The following AIFM1 variants were observed in gnomAD, a reference collection of about 807,000 sequenced individuals.
The protein encoded by AIFM1 is apoptosis-inducing factor 1, mitochondrial.
A neutral mutation model predicts 51.7 loss-of-function variants in AIFM1; 3 were observed. The observed-to-expected ratio is 0.06, with a 90% CI of 0.03 to 0.15. The LOEUF is 0.15. Among genes scored for constraint, AIFM1 ranks in the 10% least tolerant of loss-of-function variants. The probability of loss-of-function intolerance (pLI) is 1.00; values close to 1 mark genes in which losing one functional copy is unlikely to be tolerated. For synonymous variants in AIFM1, 178 were observed against 179.4 expected (o/e 0.99, Z 0.06); for missense variants, 330 against 476.8 (o/e 0.69, Z 2.87).
At chrX:130,146,228 A>G (rs2030742059) in intron 5 of AIFM1, among the ~76,000 whole-genome samples, 1 of 111,565 alleles carries the variant, frequency 9.0e-6, no homozygotes, top group Non-Finnish European at 1.9e-5. Context: ...ACTTGAGGCC[A>G]GGAGTTTGAG....
At chrX:130,165,488 G>C in intron 1 of AIFM1, 63 bp downstream of exon 1, 1 of 976,549 alleles carries the variant, frequency 1.0e-6, no homozygotes, top group East Asian at 3.3e-5. Context: ...AGGGCTGCAA[G>C]GCACAGGGAG....
chrX:130,146,491 GTA>G (rs1685958529), intron 5 of AIFM1, among the ~76,000 whole-genome samples: 1 of 94,039 alleles, frequency 1.1e-5, no homozygotes, highest in Non-Finnish European at 2.2e-5. Flanking sequence ...GTGTGTGTGT[GTA>G]TGCATATGTA....
intron 5 of AIFM1, among the ~76,000 whole-genome samples, chrX:130,146,154 T>C (rs185332191): frequency 8.9e-6 from 1 of 112,005 alleles, no homozygotes; most frequent in Non-Finnish European, 1.9e-5. Context: ...TATATTAATA[T>C]TGGCTGAGTG....
intron 1 of AIFM1, among the ~76,000 whole-genome samples, chrX:130,157,627 TTA>T (rs1416008919): frequency 8.9e-6 from 1 of 112,404 alleles, no homozygotes; most frequent in Non-Finnish European, 1.9e-5. Flanking sequence ...AGTTTAAATT[TTA>T]TATAATTTTC....
At chrX:130,160,054 TA>T (rs1390171954) in intron 1 of AIFM1, among the ~76,000 whole-genome samples, 3 of 111,090 alleles carry the variant, frequency 2.7e-5, no homozygotes, top group African/African-American at 9.8e-5. Context: ...AAATTGACTT[TA>T]AAAAAAAGTA....
Position 130,133,427 on chromosome X carries a change from A to G in AIFM1, c.1334T>C (p.Ile445Thr), listed in dbSNP as rs1307088189. The change falls in exon 13 of 16, where the codon ATA (isoleucine) becomes ACA (threonine). Residue 445 changes from isoleucine to threonine, a missense_variant. This residue lies in a region of AIFM1 where 152 missense variants were observed against 292.8 expected (regional missense o/e 0.52). Transcript: ENST00000287295. The part of the protein sequence containing the change: ...VAGDAACFYD[I>T]KLGRRRVEHH... ...CTCTACCCGCCTCCTTCCCAACTTT[A>G]TATCGTAGAAGCATGCAGCATCTCC... The G allele has an allele frequency of 5.0e-6, 6 of 1,208,158 alleles. No individual in the cohort carries two copies. The highest frequency in any genetic ancestry group is 6.7e-6 in the Non-Finnish European group (6 of 894,766).
rs2030391819 is a variant in AIFM1 at position 130,137,396 on chromosome X, GC to G, written c.968-212del. 7 of 1,154,862 alleles carry G rather than the reference GC, an allele frequency of 6.1e-6. No individual in the cohort carries two copies. In the Admixed American group the frequency reaches 1.9e-4, roughly 31 times the overall value. Reference sequence around the variant, plus strand: ...AATACAACAGGTATCAGAACTGCTGGCCCCAGATTAAGCTTCAGATGGTGAA... The same window carrying G: ...AATACAACAGGTATCAGAACTGCTGGCCCAGATTAAGCTTCAGATGGTGAA... On this transcript the variant is annotated intron_variant, in intron 9 of 15. Coordinates refer to ENST00000287295, the MANE Select transcript of AIFM1 (RefSeq NM_004208.4).
At chrX:130,132,932 AGAC>A (rs2030160416) in intron 13 of AIFM1, among the ~76,000 whole-genome samples, 1 of 110,032 alleles carries the variant, frequency 9.1e-6, no homozygotes, top group Non-Finnish European at 1.9e-5. Context: ...TTTTTAGTAG[AGAC>A]GGGGTTTCAC....
chrX:130,163,828 T>C (rs188777872), intron 1 of AIFM1, among the ~76,000 whole-genome samples: 4 of 111,360 alleles, frequency 3.6e-5, no homozygotes, highest in Admixed American at 9.6e-5. Flanking sequence ...GCAAAACAAC[T>C]ACTCAAAGTT....
At chrX:130,145,597 A>T (rs1314469551) in intron 5 of AIFM1, 28 bp from the exon 6 acceptor site, 1 of 1,084,149 alleles carries the variant, frequency 9.2e-7, no homozygotes, top group Admixed American at 2.2e-5. Flanking sequence ...GGAGAATATT[A>T]TAAGCATGTG....
At chrX:130,155,157 T>C (rs763305259) in intron 2 of AIFM1, 34 of 1,209,844 alleles carry the variant, frequency 2.8e-5, no homozygotes, top group Non-Finnish European at 3.8e-5. Flanking sequence ...GCATCTTACA[T>C]AATAAACTCC....
chrX:130,139,875 G>T lies in AIFM1; in HGVS notation c.782-4C>A, dbSNP rs376467312. 3 of 1,202,102 alleles carry T rather than the reference G, an allele frequency of 2.5e-6. No individual in the cohort carries two copies. The African/African-American group carries it at 5.3e-5, about 21-fold the overall frequency. ...GACAGACTTCTTGGAGTACCTCCTGGAAATAAGAGAAGGAAAACCCTTTAG... is the reference window on the plus strand; with the variant it reads ...GACAGACTTCTTGGAGTACCTCCTGTAAATAAGAGAAGGAAAACCCTTTAG... On this transcript the variant is annotated splice_region_variant and splice_polypyrimidine_tract_variant and intron_variant, in intron 7 of 15. Transcript: ENST00000287295.
chrX:130,147,374 GACTCT>G (rs1286610751), intron 5 of AIFM1, 114 bp downstream of exon 5: 6 of 899,694 alleles, frequency 6.7e-6, no homozygotes, highest in African/African-American at 3.9e-5. Context: ...GACCACAGTA[GACTCT>G]AGTGGACAGC....
At chrX:130,155,817 C>T (rs1286000949) in intron 2 of AIFM1, among the ~76,000 whole-genome samples, 1 of 111,719 alleles carries the variant, frequency 9.0e-6, no homozygotes, top group African/African-American at 3.2e-5. Context: ...AAAACACCCA[C>T]AAAATAATTC....
Position 130,149,256 on chromosome X carries a change from A to T in AIFM1, c.349+213T>A, listed in dbSNP as rs761277912. Among the ~76,000 whole-genome samples, 3 of 111,555 alleles carry T rather than the reference A, an allele frequency of 2.7e-5. No homozygotes were observed. The East Asian group carries it at 8.4e-4, about 31-fold the overall frequency. ...ATATTAATATACAGATAAACAACCAATCATAATTATCACTAGCTTTATTCT... is the reference window on the plus strand; with the variant it reads ...ATATTAATATACAGATAAACAACCATTCATAATTATCACTAGCTTTATTCT... On this transcript the variant is annotated intron_variant, in intron 3 of 15. Transcript: ENST00000287295.
chrX:130,138,634 C>G lies in AIFM1; in HGVS notation c.926G>C (p.Gly309Ala). ...EVKSITIIGG[G>A]FLGSELACAL... ...ACAGGCCAGTTCGCTACCAAGGAAG[C>G]CCCCACCGATAATCGTAATTGATTT... The change falls in exon 9 of 16, where the codon GGC becomes GCC. Residue 309 changes from glycine to alanine, a missense_variant. Physicochemically the swap from Gly to Ala is moderately conservative, Grantham distance 60. Coordinates refer to ENST00000287295, the MANE Select transcript of AIFM1 (RefSeq NM_004208.4). The G allele has an allele frequency of 8.3e-7, 1 of 1,210,573 alleles. No homozygotes were observed. Among genetic ancestry groups the G allele is most frequent in the Non-Finnish European group, 1.1e-6 (1 of 894,684 alleles).
At chrX:130,150,977 C>CAAAAAAAA (rs759870161) in intron 2 of AIFM1, among the ~76,000 whole-genome samples, 9 of 27,797 alleles carry the variant, frequency 3.2e-4, no homozygotes, top group African/African-American at 5.3e-4. Flanking sequence ...GACTCTGTCT[C>CAAAAAAAA]AAAAAAAAAA....
intron 13 of AIFM1, 151 bp from the exon 14 acceptor site, chrX:130,131,950 G>A (rs917410130): frequency 7.5e-6 from 5 of 668,491 alleles, no homozygotes; most frequent in African/African-American, 4.4e-5. Flanking sequence ...TCAGTTCATT[G>A]CAACCTCTCC....
At chrX:130,154,445 A>T (rs901926616) in intron 2 of AIFM1, among the ~76,000 whole-genome samples, 1 of 112,501 alleles carries the variant, frequency 8.9e-6, no homozygotes, top group Admixed American at 9.5e-5. Flanking sequence ...AAAAGTTGAG[A>T]GATATGAAAT....
Sources: gnomAD v4.1 joint callset for allele counts (sites outside exome capture counted in the v4.1 genomes callset) on GRCh38, gnomAD v4.1.1 for gene constraint, gnomAD v4.1.1 regional missense constraint, MANE v1.5 for transcripts, NCBI Gene and HGNC (gene_info 2026-07-23, HGNC 2026-07-21) for gene names.